RAB31: variants seen among roughly 807,000 people sequenced by gnomAD.
RAB31 encodes ras-related protein Rab-31.
RAB31 carries 21 observed loss-of-function variants against 25.6 expected under a neutral mutation model. The ratio of observed to expected loss-of-function variants is 0.82; its 90% CI spans 0.58 to 1.18. RAB31 has a LOEUF of 1.18. Ranked by LOEUF, RAB31 falls within the 50% of genes most tolerant of loss-of-function variation. The pLI is 0.00. For missense variants in RAB31, 196 were observed against 250.1 expected (o/e 0.78, Z 1.46); for synonymous variants, 87 against 84.0 (o/e 1.04, Z -0.20).
intron 1 of RAB31, among the ~76,000 whole-genome samples, chr18:9,763,915 G>A (rs756862305): frequency 3.3e-5 from 5 of 152,212 alleles, no homozygotes; most frequent in Admixed American, 6.5e-5. Flanking sequence ...TTACAGTCCT[G>A]GAGCTTCTGC....
intron 5 of RAB31, among the ~76,000 whole-genome samples, chr18:9,837,451 G>A (rs1319736572): frequency 6.6e-6 from 1 of 152,174 alleles, no homozygotes; most frequent in Non-Finnish European, 1.5e-5. Flanking sequence ...CAGAAGCCAT[G>A]GTTGAAAATG....
chr18:9,775,166 A>T (rs973585855), intron 1 of RAB31, 112 bp from the exon 2 acceptor site: 11 of 1,542,226 alleles, frequency 7.1e-6, no homozygotes, highest in Non-Finnish European at 9.7e-6. Context: ...TCCCAGTCTC[A>T]TCAACCAGAA....
chr18:9,747,786 G>A (rs1296321087), intron 1 of RAB31, among the ~76,000 whole-genome samples: 4 of 152,178 alleles, frequency 2.6e-5, no homozygotes, highest in South Asian at 2.1e-4. Flanking sequence ...TAAGGGTGGC[G>A]GTTGCCACCA....
At position 9,815,165 on chromosome 18, in the gene RAB31, G is replaced by A; in HGVS notation, c.323G>A (p.Gly108Asp). The change falls in exon 5 of 7, where the codon GGT becomes GAT. Residue 108 changes from glycine (G) to aspartate (D), a missense_variant. Gly to Asp is a moderately conservative substitution (Grantham distance 94). Transcript: ENST00000578921. ...KKWVKELKEH[G>D]PENIVMAIAG... is the part of the protein sequence containing the mutation. ...TGGGTCAAGGAGCTGAAAGAACATGGTCCAGAAAACATTGTAATGGCCATC... is the reference window on the plus strand; with the variant it reads ...TGGGTCAAGGAGCTGAAAGAACATGATCCAGAAAACATTGTAATGGCCATC... The A allele has an allele frequency of 1.3e-6, 2 of 1,557,610 alleles. No individual in the cohort carries two copies. Among genetic ancestry groups the A allele is most frequent in the Non-Finnish European group, 1.7e-6 (2 of 1,149,450 alleles).
chr18:9,847,416 C>G (rs1255380904), intron 6 of RAB31, among the ~76,000 whole-genome samples: 1 of 152,140 alleles, frequency 6.6e-6, no homozygotes, highest in African/African-American at 2.4e-5. Context: ...AGTGGTCAGC[C>G]AGGGGAGCCT....
rs574839753 is a variant in RAB31, at chr18:9,842,778, T to C, written c.381-2804T>C. ...TTGTGCCATTGCAGCCCTGTAGGAG[T>C]GAGGTGGACAGAGTCACGGGTTTGG... On this transcript the variant is annotated intron_variant, in intron 5 of 6. Transcript: ENST00000578921. Among the ~76,000 whole-genome samples the C allele has an allele frequency of 2.0e-5, 3 of 152,176 alleles. No individual in the cohort carries two copies. The East Asian group carries it at 5.8e-4, about 29-fold the overall frequency.
At chr18:9,780,242 A>G (rs1270636363) in intron 2 of RAB31, among the ~76,000 whole-genome samples, 1 of 151,828 alleles carries the variant, frequency 6.6e-6, no homozygotes, top group East Asian at 1.9e-4. Flanking sequence ...TCATGAAACT[A>G]GGAATCTTAG....
chr18:9,800,085 G>T (rs72959311), intron 3 of RAB31, among the ~76,000 whole-genome samples: 4 of 152,198 alleles, frequency 2.6e-5, no homozygotes, highest in Non-Finnish European at 5.9e-5. Flanking sequence ...GTCCATAGCC[G>T]ACAGAAGGTA....
intron 1 of RAB31, among the ~76,000 whole-genome samples, chr18:9,713,042 C>A (rs959452803): frequency 3.3e-5 from 5 of 152,116 alleles, no homozygotes. Context: ...CCTCTTGTCT[C>A]CCCAGGGACA....
intron 2 of RAB31, among the ~76,000 whole-genome samples, chr18:9,779,519 G>T (rs975312515): frequency 4.6e-5 from 7 of 152,244 alleles, no homozygotes; most frequent in African/African-American, 1.7e-4. Flanking sequence ...CTGGTTGCCA[G>T]CCTCTGGGAA....
intron 5 of RAB31, among the ~76,000 whole-genome samples, chr18:9,841,493 G>C (rs112229663): frequency 0.052 from 7,767 of 148,160 alleles, 219 homozygotes; most frequent in East Asian, 0.091. Context: ...GAGCCGAGAT[G>C]GCGCCACTGC....
chr18:9,772,323 G>A (rs1358174227), intron 1 of RAB31, among the ~76,000 whole-genome samples: 1 of 152,118 alleles, frequency 6.6e-6, no homozygotes, highest in Non-Finnish European at 1.5e-5. Context: ...CAGAAACCAG[G>A]CGAGGTTTGT....
intron 6 of RAB31, among the ~76,000 whole-genome samples, chr18:9,846,832 C>T (rs560304694): frequency 2.6e-5 from 4 of 152,324 alleles, no homozygotes; most frequent in South Asian, 2.1e-4. Flanking sequence ...TCTGACCTGT[C>T]TTACCTACAC....
chr18:9,737,991 C>T lies in RAB31; in HGVS notation c.39+29547C>T, dbSNP rs115150266. ...TGGTCCTGGCAGGCAGCCAGCCGGC[C>T]GGCATTTAAATGATGCTTGCTGCTG... On this transcript the variant is annotated intron_variant, in intron 1 of 6. Transcript: ENST00000578921. Among the ~76,000 whole-genome samples the T allele has an allele frequency of 3.1e-3, 472 of 152,294 alleles. 2 individuals are homozygous for T. Among genetic ancestry groups the T allele is most frequent in the African/African-American group, 0.011 (453 of 41,570 alleles).
At chr18:9,734,945 GC>G in intron 1 of RAB31, 1 of 315,216 alleles carries the variant, frequency 3.2e-6, no homozygotes, top group South Asian at 2.9e-5. Flanking sequence ...CTTTATAGTA[GC>G]CCAGTTGCAC....
intron 1 of RAB31, among the ~76,000 whole-genome samples, chr18:9,743,146 A>G (rs1005244763): frequency 6.6e-6 from 1 of 152,188 alleles, no homozygotes; most frequent in African/African-American, 2.4e-5. Flanking sequence ...TTTTGACTGA[A>G]ATAGTTTTGC....
intron 1 of RAB31, among the ~76,000 whole-genome samples, chr18:9,710,971 C>T (rs1298111121): frequency 6.7e-6 from 1 of 149,614 alleles, no homozygotes; most frequent in Non-Finnish European, 1.5e-5. Flanking sequence ...AATCAGAGGA[C>T]ATTTTATTTG....
At chr18:9,794,158 G>A (rs2068475260) in intron 3 of RAB31, among the ~76,000 whole-genome samples, 1 of 152,176 alleles carries the variant, frequency 6.6e-6, no homozygotes, top group South Asian at 2.1e-4. Context: ...GCCTTCCAAA[G>A]TGCTGGAATT....
chr18:9,852,779 G>A (rs2068795630), intron 6 of RAB31, among the ~76,000 whole-genome samples: 1 of 152,162 alleles, frequency 6.6e-6, no homozygotes, highest in African/African-American at 2.4e-5. Flanking sequence ...TGGTAGGTGT[G>A]TTTTTAACTT....
Sources: gnomAD v4.1 joint callset for allele counts (sites outside exome capture counted in the v4.1 genomes callset) on GRCh38, gnomAD v4.1.1 for gene constraint, MANE v1.5 for transcripts, NCBI Gene and HGNC (gene_info 2026-07-23, HGNC 2026-07-21) for gene names.